PCDHB1: variants seen among roughly 807,000 people sequenced by gnomAD.
PCDHB1 encodes protocadherin beta-1.
A neutral mutation model predicts 43.5 loss-of-function variants in PCDHB1; 44 were observed. That is an observed-to-expected ratio of 1.01 (90% CI 0.79 to 1.30). PCDHB1 has a LOEUF of 1.30. PCDHB1 is among the 50% of genes most tolerant of loss of function. The probability of loss-of-function intolerance (pLI) is 0.00; values close to 1 mark genes in which losing one functional copy is unlikely to be tolerated. For synonymous variants in PCDHB1, 392 were observed against 400.8 expected, an observed-to-expected ratio of 0.98 and a Z score of 0.26; for missense variants, 919 against 1,008.9, an observed-to-expected ratio of 0.91 and a Z score of 1.21.
chr5:141,052,715 C>G lies in PCDHB1; in HGVS notation c.1245C>G (p.Val415=). The part of the protein sequence containing the change: ...VTDRSLDREE[V]SGYNITIVAM... The stretch of plus-strand genomic sequence containing the variant: ...ACAGAAGCTTGGATCGGGAGGAGGT[C>G]TCAGGCTATAATATCACCATTGTTG... Residue 415 remains valine, a synonymous_variant, in exon 1 of 1, where the codon GTC becomes GTG. Transcript: ENST00000306549. The G allele has an allele frequency of 6.2e-7, 1 of 1,614,180 alleles. No homozygotes were observed. The highest frequency in any genetic ancestry group is 8.5e-7 in the Non-Finnish European group (1 of 1,180,038).
At position 141,051,997 on chromosome 5, in the gene PCDHB1, G is replaced by A. The variant is rs192224343; in HGVS notation, c.527G>A (p.Gly176Glu). Residue 176 changes from glycine (G) to glutamate (E), a missense_variant, in exon 1 of 1, where the codon GGG becomes GAG. Coordinates refer to ENST00000306549, the MANE Select transcript of PCDHB1 (RefSeq NM_013340.4). ...GLQNYTLSANGYFHLHTRFCS... is the reference protein window; with the variant it reads ...GLQNYTLSANEYFHLHTRFCS... ...CAGAACTACACCCTGAGTGCCAATGGGTATTTCCACCTGCACACCCGCTTC... is the reference window on the plus strand; with the variant it reads ...CAGAACTACACCCTGAGTGCCAATGAGTATTTCCACCTGCACACCCGCTTC... 1.2e-6 allele frequency: 2 copies of A among 1,614,118 alleles called. No individual in the cohort carries two copies. Among genetic ancestry groups the A allele is most frequent in the Non-Finnish European group, 1.7e-6 (2 of 1,180,048 alleles).
Position 141,055,104 on chromosome 5 carries a change from G to A in PCDHB1, c.*1177G>A, listed in dbSNP as rs1751105917. ...CAGAGAAAATCTATTTGAAAAAACG[G>A]AAATGGAGGGTGGGTGAGGAAAAAA... On this transcript the variant is annotated 3_prime_UTR_variant, in exon 1 of 1. Coordinates refer to ENST00000306549, the MANE Select transcript of PCDHB1 (RefSeq NM_013340.4). The A allele has an allele frequency of 6.6e-6, 1 of 152,044 alleles. No homozygotes were observed. Among genetic ancestry groups the A allele is most frequent in the African/African-American group, 2.4e-5 (1 of 41,366 alleles). 9.4% of individuals were successfully genotyped at this position (152,044 alleles called of 1,614,324 possible). A position where few individuals can be genotyped will look rare whatever the true frequency, so the allele number is the denominator to read the frequency against.
At position 141,058,756 on chromosome 5, in the gene PCDHB1, A is replaced by C. The variant is rs782169656; in HGVS notation, c.*4829A>C. Reference sequence around the variant, plus strand: ...CTAGATATTTCCTGTGGCAATTAATATTGTGGCATTCTAATGGTGATTTTC... The same window carrying C: ...CTAGATATTTCCTGTGGCAATTAATCTTGTGGCATTCTAATGGTGATTTTC... On this transcript the variant is annotated 3_prime_UTR_variant, in exon 1 of 1. Coordinates refer to ENST00000306549, the MANE Select transcript of PCDHB1 (RefSeq NM_013340.4). 11 of 152,192 alleles carry C rather than the reference A, an allele frequency of 7.2e-5. No individual in the cohort carries two copies. The highest frequency in any genetic ancestry group is 1.6e-4 in the Non-Finnish European group (11 of 68,020). 9.4% of individuals were successfully genotyped at this position (152,192 alleles called of 1,614,324 possible).
At position 141,052,280 on chromosome 5, in the gene PCDHB1, C is replaced by A. The variant is rs782184340; in HGVS notation, c.810C>A (p.Asp270Glu). 1.9e-6 allele frequency: 3 copies of A among 1,614,180 alleles called. No individual in the cohort carries two copies. The highest frequency in any genetic ancestry group is 2.2e-5 in the South Asian group (2 of 91,088). ...LVATVTAVDL[D>E]EGTNKAITYS... is the part of the protein sequence containing the mutation. ...CCACGGTGACTGCCGTGGACCTAGA[C>A]GAGGGCACCAACAAAGCGATAACTT... is the stretch of plus-strand genomic sequence containing the variant. Residue 270 changes from aspartate (D) to glutamate (E), a missense_variant, in exon 1 of 1, where the codon GAC (aspartate) becomes GAA (glutamate). Coordinates refer to ENST00000306549, the MANE Select transcript of PCDHB1 (RefSeq NM_013340.4).
Position 141,053,662 on chromosome 5 carries a change from A to C in PCDHB1, c.2192A>C (p.Tyr731Ser). The C allele has an allele frequency of 6.2e-7, 1 of 1,614,206 alleles. No individual in the cohort carries two copies. The highest frequency in any genetic ancestry group is 8.5e-7 in the Non-Finnish European group (1 of 1,179,998). The part of the protein sequence containing the change: ...REKFTIQEHF[Y>S]DDCNFSNNLV... ...AAGTTCACAATTCAAGAGCATTTCT[A>C]TGATGACTGTAATTTCTCTAACAAC... The change falls in exon 1 of 1, where the codon TAT becomes TCT. Residue 731 changes from tyrosine (Y) to serine (S), a missense_variant. Transcript: ENST00000306549.
rs782000074 is a variant in PCDHB1, at chr5:141,051,788, T to G, written c.318T>G (p.Phe106Leu). ...AAGCCGACCCTTGTGTTCTGCACTT[T>G]GAAGTAGTCCTGGTGGAGCCGCTGC... is the stretch of plus-strand genomic sequence containing the variant. ...CGKADPCVLH[F>L]EVVLVEPLQS... The change falls in exon 1 of 1, where the codon TTT becomes TTG. Residue 106 changes from phenylalanine to leucine, a missense_variant. Coordinates refer to ENST00000306549, the MANE Select transcript of PCDHB1 (RefSeq NM_013340.4). 1.2e-6 allele frequency: 2 copies of G among 1,614,122 alleles called. No individual in the cohort carries two copies. Among genetic ancestry groups the G allele is most frequent in the Non-Finnish European group, 1.7e-6 (2 of 1,180,042 alleles).
Position 141,055,609 on chromosome 5 carries a change from TA to T in PCDHB1, c.*1684del, listed in dbSNP as rs1467276782. The T allele has an allele frequency of 4.6e-5, 7 of 152,256 alleles. No homozygotes were observed. Among genetic ancestry groups the T allele is most frequent in the Admixed American group, 1.3e-4 (2 of 15,286 alleles). 9.4% of individuals were successfully genotyped at this position (152,256 alleles called of 1,614,324 possible). ...TTAAAATTAAAAAGTTCATTAATAC[TA>T]ATTAAGTGGCATTAAGGAAAGACAC... On this transcript the variant is annotated 3_prime_UTR_variant, in exon 1 of 1. Coordinates refer to ENST00000306549, the MANE Select transcript of PCDHB1 (RefSeq NM_013340.4).
In PCDHB1 at chr5:141,054,014, T is replaced by G. The variant is rs186538514; in HGVS notation, c.*87T>G. The G allele has an allele frequency of 2.1e-3, 2,365 of 1,101,220 alleles. 5 individuals carry two copies. The highest frequency in any genetic ancestry group is 0.01 in the Middle Eastern group (39 of 3,852). 68.2% of individuals were successfully genotyped at this position (1,101,220 alleles called of 1,614,324 possible). On this transcript the variant is annotated 3_prime_UTR_variant, in exon 1 of 1. Transcript: ENST00000306549. ...GTTACATCCTCATTAAAACAAAAAC[T>G]GGTAGTAGATTGCAGCTTTAGTAAA...
Position 141,056,034 on chromosome 5 carries a change from C to T in PCDHB1, c.*2107C>T, listed in dbSNP as rs1554267788. 6.6e-6 allele frequency: 1 copy of T among 151,136 alleles called. No homozygotes were observed. Among genetic ancestry groups the T allele is most frequent in the East Asian group, 1.9e-4 (1 of 5,172 alleles). 9.4% of individuals were successfully genotyped at this position (151,136 alleles called of 1,614,324 possible). On this transcript the variant is annotated 3_prime_UTR_variant, in exon 1 of 1. Coordinates refer to ENST00000306549, the MANE Select transcript of PCDHB1 (RefSeq NM_013340.4). ...AAGCTATGATTGCACTTCTGCACTCCAGCCTGGGCAAAAGAGTGAAACCTC... is the reference window on the plus strand; with the variant it reads ...AAGCTATGATTGCACTTCTGCACTCTAGCCTGGGCAAAAGAGTGAAACCTC...
chr5:141,052,616 C>A lies in PCDHB1; in HGVS notation c.1146C>A (p.Val382=). ...RDRDIRVGGK[V]TCFLREDLPF... ...GGGACATTCGAGTGGGAGGAAAAGT[C>A]ACCTGCTTCCTCAGAGAAGACCTTC... The change falls in exon 1 of 1, where the codon GTC becomes GTA. Residue 382 remains valine (V), a synonymous_variant. Coordinates refer to ENST00000306549, the MANE Select transcript of PCDHB1 (RefSeq NM_013340.4). 6.2e-7 allele frequency: 1 copy of A among 1,614,078 alleles called. No homozygotes were observed. The highest frequency in any genetic ancestry group is 1.1e-5 in the South Asian group (1 of 91,072).
At position 141,051,871 on chromosome 5, in the gene PCDHB1, TA is replaced by T. The variant is rs1554267113; in HGVS notation, c.404del (p.Asn135ThrfsTer6). Reference sequence around the variant, plus strand: ...ATCAATGACAATGCCCCAGTTTTCCTAAACAAGGAGCCGCTTTTAAAGATTC... The same window carrying T: ...ATCAATGACAATGCCCCAGTTTTCCTAACAAGGAGCCGCTTTTAAAGATTC... ...FDINDNAPVF[L>X]NKEPLLKIPE... On this transcript the variant is annotated frameshift_variant, in exon 1 of 1. Coordinates refer to ENST00000306549, the MANE Select transcript of PCDHB1 (RefSeq NM_013340.4). LOFTEE classifies it high-confidence loss of function. The T allele has an allele frequency of 1.2e-6, 2 of 1,614,120 alleles. No individual in the cohort carries two copies. Among genetic ancestry groups the T allele is most frequent in the Non-Finnish European group, 1.7e-6 (2 of 1,179,996 alleles).
At position 141,053,204 on chromosome 5, in the gene PCDHB1, C is replaced by T. The variant is rs782030135; in HGVS notation, c.1734C>T (p.Pro578=). The T allele has an allele frequency of 3.3e-5, 53 of 1,614,034 alleles. No homozygotes were observed. The South Asian group carries it at 5.2e-4, about 16-fold the overall frequency. Reference sequence around the variant, plus strand: ...CCTTGCCCTGCAATGACCTGGTGCCCAGGTCTGCAGAGGCAGGCTACCTAG... The same window carrying T: ...CCTTGCCCTGCAATGACCTGGTGCCTAGGTCTGCAGAGGCAGGCTACCTAG... ...NGTLPCNDLV[P]RSAEAGYLVT... is the part of the protein sequence containing the mutation. The change falls in exon 1 of 1, where the codon CCC becomes CCT. Residue 578 remains proline, a synonymous_variant. Transcript: ENST00000306549.
Position 141,056,511 on chromosome 5 carries a change from T to C in PCDHB1, c.*2584T>C, listed in dbSNP as rs782778248. 6.6e-6 allele frequency: 1 copy of C among 152,226 alleles called. No individual in the cohort carries two copies. The highest frequency in any genetic ancestry group is 1.5e-5 in the Non-Finnish European group (1 of 68,026). 9.4% of individuals were successfully genotyped at this position (152,226 alleles called of 1,614,324 possible). On this transcript the variant is annotated 3_prime_UTR_variant, in exon 1 of 1. Coordinates refer to ENST00000306549, the MANE Select transcript of PCDHB1 (RefSeq NM_013340.4). ...AGTAAAGGTTTTCTTGCACAAAACA[T>C]AGAATAAGTGTTCCAGTGTATTTGT... is the stretch of plus-strand genomic sequence containing the variant.
rs895427902 is a variant in PCDHB1 at position 141,058,258 on chromosome 5, T to G, written c.*4331T>G. ...TTATGGCTCCTTAGTCTCTACCACC[T>G]GTGACAGTTCCTTACTCTTACCTTG... On this transcript the variant is annotated 3_prime_UTR_variant, in exon 1 of 1. Coordinates refer to ENST00000306549, the MANE Select transcript of PCDHB1 (RefSeq NM_013340.4). 4.6e-5 allele frequency: 7 copies of G among 152,236 alleles called. No homozygotes were observed. Among genetic ancestry groups the G allele is most frequent in the Admixed American group, 2.0e-4 (3 of 15,284 alleles). 9.4% of individuals were successfully genotyped at this position (152,236 alleles called of 1,614,324 possible). A position where few individuals can be genotyped will look rare whatever the true frequency, so the allele number is the denominator to read the frequency against.
At position 141,053,258 on chromosome 5, in the gene PCDHB1, C is replaced by G. The variant is rs1751042045; in HGVS notation, c.1788C>G (p.Asp596Glu). The change falls in exon 1 of 1, where the codon GAC (aspartate) becomes GAG (glutamate). Residue 596 changes from aspartate to glutamate, a missense_variant. Physicochemically the swap from Asp to Glu is conservative, Grantham distance 45. Coordinates refer to ENST00000306549, the MANE Select transcript of PCDHB1 (RefSeq NM_013340.4). Reference protein sequence around the residue: ...LVTKVVAVDGDSGQNSWLSYH... With the variant: ...LVTKVVAVDGESGQNSWLSYH... ...CCAAAGTGGTGGCTGTGGATGGTGA[C>G]TCAGGTCAGAATTCTTGGCTTTCAT... 1 of 1,614,234 alleles carries G rather than the reference C, an allele frequency of 6.2e-7. No individual in the cohort carries two copies. Among genetic ancestry groups the G allele is most frequent in the South Asian group, 1.1e-5 (1 of 91,092 alleles).
In PCDHB1 at chr5:141,052,704, C is replaced by A. The variant is rs367887109; in HGVS notation, c.1234C>A (p.Arg412=). ...YSLVTDRSLD[R]EEVSGYNITI... Reference sequence around the variant, plus strand: ...ACTGGTCACTGACAGAAGCTTGGATCGGGAGGAGGTCTCAGGCTATAATAT... The same window carrying A: ...ACTGGTCACTGACAGAAGCTTGGATAGGGAGGAGGTCTCAGGCTATAATAT... Residue 412 remains arginine, a synonymous_variant, in exon 1 of 1, where the codon CGG becomes AGG. Transcript: ENST00000306549. 1.3e-4 allele frequency: 203 copies of A among 1,614,160 alleles called. No homozygotes were observed. The highest frequency in any genetic ancestry group is 1.7e-4 in the Non-Finnish European group (198 of 1,180,034).
In PCDHB1 at chr5:141,055,708, CTG is replaced by C. The variant is rs1247190338; in HGVS notation, c.*1782_*1783del. 1 of 152,138 alleles carries C rather than the reference CTG, an allele frequency of 6.6e-6. No individual in the cohort carries two copies. Among genetic ancestry groups the C allele is most frequent in the African/African-American group, 2.4e-5 (1 of 41,422 alleles). The allele number at this position is 152,138 out of a possible 1,614,324, so 9.4% of individuals were successfully genotyped here. A position where few individuals can be genotyped will look rare whatever the true frequency, so the allele number is the denominator to read the frequency against. On this transcript the variant is annotated 3_prime_UTR_variant, in exon 1 of 1. Coordinates refer to ENST00000306549, the MANE Select transcript of PCDHB1 (RefSeq NM_013340.4). ...GTATTCTGAAGTTAACACATGCAAA[CTG>C]AGAAAAAGTGGCATTTTTAGTAAAT...
At position 141,052,506 on chromosome 5, in the gene PCDHB1, G is replaced by A. The variant is rs1254111938; in HGVS notation, c.1036G>A (p.Glu346Lys). The change falls in exon 1 of 1, where the codon GAA (glutamate) becomes AAA (lysine). Residue 346 changes from glutamate (E) to lysine (K), a missense_variant. Physicochemically the swap from Glu to Lys is moderately conservative, Grantham distance 56. Transcript: ENST00000306549. ...GGTGGATGTGAATGACAATCCTCCC[G>A]AAGTGATGGTCTCCTCTGTGTCCAG... ...EVVDVNDNPP[E>K]VMVSSVSSPL... The A allele has an allele frequency of 2.5e-6, 4 of 1,613,974 alleles. No individual in the cohort carries two copies. Among genetic ancestry groups the A allele is most frequent in the African/African-American group, 2.7e-5 (2 of 74,898 alleles).
Position 141,052,566 on chromosome 5 carries a change from G to A in PCDHB1, c.1096G>A (p.Val366Ile), listed in dbSNP as rs782208713. 11 of 1,614,046 alleles carry A rather than the reference G, an allele frequency of 6.8e-6. No homozygotes were observed. In the South Asian group the frequency reaches 1.2e-4, roughly 18 times the overall value. ...TGAAGACTCACCACCACAGACAGTA[G>A]TAGCCCTTTTCACTATCAGAGACCG... ...LPEDSPPQTV[V>I]ALFTIRDRDI... The change falls in exon 1 of 1, where the codon GTA (valine) becomes ATA (isoleucine). Residue 366 changes from valine (V) to isoleucine (I), a missense_variant. Coordinates refer to ENST00000306549, the MANE Select transcript of PCDHB1 (RefSeq NM_013340.4).
Sources: allele counts gnomAD v4.1 joint callset, GRCh38; gene constraint gnomAD v4.1.1; transcripts MANE v1.5; gene names NCBI Gene and HGNC (gene_info 2026-07-23, HGNC 2026-07-21).